Variants in METTL25 observed in about 807,000 individuals in gnomAD.
The protein encoded by METTL25 is methyltransferase like 25.
Under a neutral mutation model 71.6 loss-of-function variants are expected in METTL25, and 64 were observed. The ratio of observed to expected loss-of-function variants is 0.89; its 90% CI spans 0.73 to 1.10. The LOEUF is 1.10. METTL25 is among the 50% of genes least tolerant of loss of function. The probability of loss-of-function intolerance (pLI) is 0.00; values close to 1 mark genes in which losing one functional copy is unlikely to be tolerated. For synonymous variants in METTL25, 287 were observed against 250.3 expected, an observed-to-expected ratio of 1.15 and a Z score of -1.38; for missense variants, 807 against 707.0, an observed-to-expected ratio of 1.14 and a Z score of -1.60.
intron 9 of METTL25, among the ~76,000 whole-genome samples, chr12:82,462,351 C>T (rs1389492605): frequency 6.6e-6 from 1 of 152,066 alleles, no homozygotes; most frequent in Admixed American, 6.5e-5. Context: ...AAATATTTCC[C>T]TATTCCCCAC....
intron 5 of METTL25, among the ~76,000 whole-genome samples, chr12:82,416,224 T>TACA (rs1887970564): frequency 6.6e-6 from 1 of 152,138 alleles, no homozygotes; most frequent in South Asian, 2.1e-4. Context: ...GAATCATTGT[T>TACA]GACAACAGCA....
chr12:82,371,421 G>T (rs540014816), intron 1 of METTL25, among the ~76,000 whole-genome samples: 1 of 152,278 alleles, frequency 6.6e-6, no homozygotes, highest in African/African-American at 2.4e-5. Context: ...CTTGTTTCTC[G>T]TTGGACAGTC....
At chr12:82,389,781 T>G (rs768460013) in intron 2 of METTL25, 35 bp from the exon 3 acceptor site, 1 of 1,237,924 alleles carries the variant, frequency 8.1e-7, no homozygotes, top group South Asian at 1.3e-5. Flanking sequence ...AAATTTTGAT[T>G]CTTTAATAGC....
At chr12:82,462,061 G>A (rs1891915296) in intron 9 of METTL25, among the ~76,000 whole-genome samples, 2 of 152,166 alleles carry the variant, frequency 1.3e-5, no homozygotes, top group Admixed American at 1.3e-4. Flanking sequence ...ACTAGGAGTT[G>A]AGCAGTATGG....
At chr12:82,361,251 C>G (rs1047304137) in intron 1 of METTL25, among the ~76,000 whole-genome samples, 5 of 152,162 alleles carry the variant, frequency 3.3e-5, no homozygotes, top group African/African-American at 1.2e-4. Context: ...ATTTACAAAC[C>G]TTGAGCTAGA....
intron 1 of METTL25, among the ~76,000 whole-genome samples, chr12:82,361,811 C>A (rs570647284): frequency 6.6e-6 from 1 of 152,340 alleles, no homozygotes; most frequent in Admixed American, 6.5e-5. Context: ...CTCCACACCT[C>A]CCTGCAAGCT....
At chr12:82,433,490 A>AT (rs929300634) in intron 6 of METTL25, among the ~76,000 whole-genome samples, 1 of 151,408 alleles carries the variant, frequency 6.6e-6, no homozygotes, top group African/African-American at 2.4e-5. Context: ...GGAATATTAC[A>AT]TTTTTTTTCT....
At chr12:82,430,364 A>T (rs1445776494) in intron 5 of METTL25, among the ~76,000 whole-genome samples, 1 of 151,512 alleles carries the variant, frequency 6.6e-6, no homozygotes, top group Non-Finnish European at 1.5e-5. Context: ...AGTTGAAAAT[A>T]TTACAGTCTG....
In METTL25 at chr12:82,477,455, G is replaced by A. The variant is rs1892941003; in HGVS notation, c.1719+103G>A. On this transcript the variant is annotated intron_variant, in intron 11 of 11. Coordinates refer to ENST00000248306, the MANE Select transcript of METTL25 (RefSeq NM_032230.3). ...AGAGTCTTTCACATAAAACTAGTAA[G>A]AAAATTTTTCTCATTATATTTTCAT... The A allele has an allele frequency of 5.9e-6, 3 of 510,426 alleles. No individual in the cohort carries two copies. The Admixed American group carries it at 9.5e-5, about 16-fold the overall frequency. The allele number at this position is 510,426 out of a possible 1,614,324, so 31.6% of individuals were successfully genotyped here.
At chr12:82,365,811 G>A (rs919407995) in intron 1 of METTL25, among the ~76,000 whole-genome samples, 6 of 144,570 alleles carry the variant, frequency 4.2e-5, no homozygotes, top group Non-Finnish European at 6.3e-5. Flanking sequence ...GGCCGGGCGC[G>A]GTGGCTCACG....
chr12:82,471,226 C>T (rs73153572), intron 9 of METTL25, among the ~76,000 whole-genome samples: 9,109 of 152,260 alleles, frequency 0.06, 335 homozygotes, highest in Middle Eastern at 0.12. Context: ...AATTAAAGCT[C>T]AGATTTGTAG....
intron 2 of METTL25, among the ~76,000 whole-genome samples, chr12:82,387,426 G>T (rs1271839045): frequency 6.6e-6 from 1 of 151,652 alleles, no homozygotes; most frequent in African/African-American, 2.4e-5. Context: ...TTAAAACTCA[G>T]CCATATCTAT....
rs1893040346 is a variant in METTL25, at chr12:82,478,912, A to C, written c.1720-20A>C. ...TCTTCAACAAATGGTTGTATATCTA[A>C]ATCACTTATTAATTTACAGGAAGAT... On this transcript the variant is annotated intron_variant, in intron 11 of 11. Coordinates refer to ENST00000248306, the MANE Select transcript of METTL25 (RefSeq NM_032230.3). 2 of 1,596,446 alleles carry C rather than the reference A, an allele frequency of 1.3e-6. No individual in the cohort carries two copies. Among genetic ancestry groups the C allele is most frequent in the African/African-American group, 1.3e-5 (1 of 74,586 alleles).
intron 5 of METTL25, among the ~76,000 whole-genome samples, chr12:82,418,760 T>A (rs1888205493): frequency 6.6e-6 from 1 of 152,078 alleles, no homozygotes; most frequent in South Asian, 2.1e-4. Context: ...CATTTCAAGA[T>A]AAATGAATCC....
intron 9 of METTL25, among the ~76,000 whole-genome samples, chr12:82,471,338 C>T (rs1192954078): frequency 6.6e-6 from 1 of 152,216 alleles, no homozygotes; most frequent in Non-Finnish European, 1.5e-5. Context: ...ATGTTTGTTA[C>T]CTGCCTGGTG....
intron 5 of METTL25, among the ~76,000 whole-genome samples, chr12:82,408,906 C>T (rs780882556): frequency 2.6e-5 from 4 of 152,196 alleles, no homozygotes; most frequent in Non-Finnish European, 5.9e-5. Flanking sequence ...TCAAATATGT[C>T]ATGTGTCCTT....
Position 82,386,792 on chromosome 12 carries a change from C to T in METTL25, c.260-11C>T, listed in dbSNP as rs111954376. On this transcript the variant is annotated splice_polypyrimidine_tract_variant and intron_variant, in intron 1 of 11. Transcript: ENST00000248306. ...TATTGCTGAAGACTTTTTCTGTCTTCACTTTTTTAGGTATGACTGATTTTC... is the reference window on the plus strand; with the variant it reads ...TATTGCTGAAGACTTTTTCTGTCTTTACTTTTTTAGGTATGACTGATTTTC... The T allele has an allele frequency of 3.1e-6, 5 of 1,609,360 alleles. No individual in the cohort carries two copies. The highest frequency in any genetic ancestry group is 1.7e-4 in the Middle Eastern group (1 of 6,018).
intron 4 of METTL25, among the ~76,000 whole-genome samples, chr12:82,400,679 T>C (rs1016873439): frequency 6.6e-6 from 1 of 152,150 alleles, no homozygotes; most frequent in Non-Finnish European, 1.5e-5. Flanking sequence ...CAAATTCTTT[T>C]AAGAACCATC....
At chr12:82,478,593 A>G (rs1893017896) in intron 11 of METTL25, among the ~76,000 whole-genome samples, 1 of 151,786 alleles carries the variant, frequency 6.6e-6, no homozygotes, top group African/African-American at 2.4e-5. Flanking sequence ...TTTTATTCAG[A>G]ATTTCCCACC....
Sources: gnomAD v4.1 joint callset for allele counts (sites outside exome capture counted in the v4.1 genomes callset) on GRCh38, gnomAD v4.1.1 for gene constraint, MANE v1.5 for transcripts, NCBI Gene and HGNC (gene_info 2026-07-23, HGNC 2026-07-21) for gene names.